Variants in TDRKH observed in about 807,000 individuals in gnomAD.
TDRKH encodes the protein tudor and KH domain containing, also known as tudor and KH domain-containing protein.
Under a neutral mutation model 61.3 loss-of-function variants are expected in TDRKH, and 28 were observed. That is an observed-to-expected ratio of 0.46 (90% CI 0.34 to 0.63). The LOEUF (loss-of-function observed/expected upper bound fraction) is 0.63, where lower values mean the gene tolerates loss of function less well. TDRKH is among the 20% of genes least tolerant of loss of function. The pLI is 0.01. For synonymous variants in TDRKH, 219 were observed against 244.4 expected (o/e 0.90, Z 0.97); for missense variants, 540 against 683.4 (o/e 0.79, Z 2.34).
Position 151,782,883 on chromosome 1 carries a change from C to A in TDRKH, c.124+16G>T. 6.3e-7 allele frequency: 1 copy of A among 1,588,756 alleles called. No homozygotes were observed. The highest frequency in any genetic ancestry group is 1.2e-5 in the South Asian group (1 of 86,676). On this transcript the variant is annotated intron_variant, in intron 2 of 12. Coordinates refer to ENST00000368824, the MANE Select transcript of TDRKH (RefSeq NM_001083965.2). ...GTCTGAACATTTTCACACACACAGT[C>A]ATAGGGTTCACGTACCTCTGCTTTC... is the stretch of plus-strand genomic sequence containing the variant.
rs955793908 is a variant in TDRKH, at chr1:151,776,238, T to C, written c.1075A>G (p.Ile359Val). ...PEDLTVHVGDIVAAPLPTNGS... is the reference protein window; with the variant it reads ...PEDLTVHVGDVVAAPLPTNGS... ...TTTGTAGGTAAAGGTGCTGCTACAA[T>C]GTCTCCTACATGCACAGTCAAGTCT... The change falls in exon 8 of 13, where the codon ATT becomes GTT. Residue 359 changes from isoleucine (I) to valine (V), a missense_variant. By Grantham distance (29) the Ile-to-Val change is conservative. This residue lies in a region of TDRKH where 379 missense variants were observed against 443.8 expected (regional missense o/e 0.85). Transcript: ENST00000368824. 2 of 1,613,974 alleles carry C rather than the reference T, an allele frequency of 1.2e-6. No homozygotes were observed. Among genetic ancestry groups the C allele is most frequent in the African/African-American group, 1.3e-5 (1 of 74,910 alleles).
chr1:151,784,984 T>G (rs1317255800), intron 1 of TDRKH, among the ~76,000 whole-genome samples: 3 of 149,398 alleles, frequency 2.0e-5, no homozygotes, highest in East Asian at 3.9e-4. Flanking sequence ...CAGGCTGGAG[T>G]GCAGTGGCGC....
At chr1:151,783,651 GC>G (rs1307758674) in intron 1 of TDRKH, 2 of 152,232 alleles carry the variant, frequency 1.3e-5, no homozygotes, top group African/African-American at 4.8e-5. Context: ...CAGGAAGGTG[GC>G]CACTCCCTCC....
chr1:151,771,765 G>A (rs1648717200), downstream of TDRKH: 4 of 393,430 alleles, frequency 1.0e-5, no homozygotes, highest in Non-Finnish European at 1.3e-5. Flanking sequence ...CCATCAGAAT[G>A]GGCTGTAAAC....
Position 151,782,926 on chromosome 1 carries a change from G to T in TDRKH, c.97C>A (p.Leu33Ile). 6.2e-7 allele frequency: 1 copy of T among 1,613,282 alleles called. No individual in the cohort carries two copies. The highest frequency in any genetic ancestry group is 1.7e-4 in the Middle Eastern group (1 of 6,060). ...IPASATVAYI[L>I]YRRYRESREE... Reference sequence around the variant, plus strand: ...CTGCTTTCCCTATACCTGCGGTATAGGATATAGGCAACTGTTGCACTGGCT... The same window carrying T: ...CTGCTTTCCCTATACCTGCGGTATATGATATAGGCAACTGTTGCACTGGCT... The change falls in exon 2 of 13, where the codon CTA becomes ATA. Residue 33 changes from leucine (L) to isoleucine (I), a missense_variant. Leu to Ile is a conservative substitution (Grantham distance 5, BLOSUM62 2). Coordinates refer to ENST00000368824, the MANE Select transcript of TDRKH (RefSeq NM_001083965.2).
At chr1:151,786,046 G>A (rs1016777249) in intron 1 of TDRKH, among the ~76,000 whole-genome samples, 15 of 152,142 alleles carry the variant, frequency 9.9e-5, no homozygotes, top group African/African-American at 3.6e-4. Flanking sequence ...ATTTCACCCT[G>A]GGGGGAAAAA....
At chr1:151,785,768 C>T (rs943523859) in intron 1 of TDRKH, among the ~76,000 whole-genome samples, 3 of 151,974 alleles carry the variant, frequency 2.0e-5, no homozygotes, top group Non-Finnish European at 2.9e-5. Context: ...TATTTTTATT[C>T]TTTATTTTGA....
chr1:151,784,933 GTTTT>G (rs377380901), intron 1 of TDRKH, among the ~76,000 whole-genome samples: 3 of 126,518 alleles, frequency 2.4e-5, no homozygotes, highest in African/African-American at 2.9e-5. Flanking sequence ...ATGGCAATTC[GTTTT>G]TTTTTTTTTT....
chr1:151,778,758 G>A lies in TDRKH; in HGVS notation c.810C>T (p.Ser270=). 6.2e-7 allele frequency: 1 copy of A among 1,614,208 alleles called. No individual in the cohort carries two copies. The highest frequency in any genetic ancestry group is 8.5e-7 in the Non-Finnish European group (1 of 1,180,046). ...AGCTGTCATCACTAGGTTTCTCCCAGGAACCTTCCTTTGACACTACCACAG... is the reference window on the plus strand; with the variant it reads ...AGCTGTCATCACTAGGTTTCTCCCAAGAACCTTCCTTTGACACTACCACAG... ...DMAVVVSKEG[S]WEKPSDDSFQ... The change falls in exon 6 of 13, where the codon TCC becomes TCT. Residue 270 remains serine (S), a synonymous_variant. Transcript: ENST00000368824.
At chr1:151,785,638 G>T (rs755010046) in intron 1 of TDRKH, among the ~76,000 whole-genome samples, 1 of 152,126 alleles carries the variant, frequency 6.6e-6, no homozygotes, top group Non-Finnish European at 1.5e-5. Flanking sequence ...GCTTGAAGAG[G>T]TTATCTAATC....
At chr1:151,778,062 G>A (rs904290883) in intron 6 of TDRKH, among the ~76,000 whole-genome samples, 1 of 152,040 alleles carries the variant, frequency 6.6e-6, no homozygotes, top group Non-Finnish European at 1.5e-5. Flanking sequence ...ATAACAGAGC[G>A]GGCTGGTAAA....
Position 151,774,338 on chromosome 1 carries a change from G to C in TDRKH, c.*114C>G, listed in dbSNP as rs780396308. The stretch of plus-strand genomic sequence containing the variant: ...ATATTAAGACAGGGCATGGGAAAGA[G>C]GGAATCAAAGCAAGTGCCCCACTGT... On this transcript the variant is annotated 3_prime_UTR_variant, in exon 13 of 13. Coordinates refer to ENST00000368824, the MANE Select transcript of TDRKH (RefSeq NM_001083965.2). 2 of 1,038,222 alleles carry C rather than the reference G, an allele frequency of 1.9e-6. No individual in the cohort carries two copies. Among genetic ancestry groups the C allele is most frequent in the Non-Finnish European group, 2.9e-6 (2 of 701,376 alleles). 64.3% of individuals were successfully genotyped at this position (1,038,222 alleles called of 1,614,324 possible). A position where few individuals can be genotyped will look rare whatever the true frequency, so the allele number is the denominator to read the frequency against.
chr1:151,784,411 A>G (rs1473138931), intron 1 of TDRKH, among the ~76,000 whole-genome samples: 3 of 152,180 alleles, frequency 2.0e-5, no homozygotes, highest in South Asian at 2.1e-4. Context: ...GAGTGTCAAT[A>G]TATCTGTCCT....
intron 1 of TDRKH, among the ~76,000 whole-genome samples, chr1:151,785,392 C>T (rs12748967): frequency 0.4 from 61,082 of 152,022 alleles, 13,244 homozygotes; most frequent in Non-Finnish European, 0.5. Flanking sequence ...TATCTTTTCC[C>T]TAGATTACTG....
intron 2 of TDRKH, 164 bp downstream of exon 2, chr1:151,782,735 A>G: frequency 1.2e-6 from 1 of 801,866 alleles, no homozygotes; most frequent in Non-Finnish European, 1.8e-6. Context: ...GTGCCACTGT[A>G]CGCCAGGCTA....
At chr1:151,770,258 G>T, downstream of TDRKH, 1 of 1,612,904 alleles carries the variant, frequency 6.2e-7, no homozygotes, top group Non-Finnish European at 8.5e-7. Context: ...AACGACAGAG[G>T]TGGGGATCTG....
At position 151,778,979 on chromosome 1, in the gene TDRKH, C is replaced by T; in HGVS notation, c.589G>A (p.Asp197Asn). ...GCAATTCTCTTCCGAAGTTCTTCAT[C>T]TTCTGAAACTTTCTCCAGTATCAAA... ...KHLILEKVSE[D>N]EELRKRIAHS... Residue 197 changes from aspartate to asparagine, a missense_variant, in exon 6 of 13, where the codon GAT becomes AAT. By Grantham distance (23) the Asp-to-Asn change is conservative (BLOSUM62 1). This residue lies in a region of TDRKH where 379 missense variants were observed against 443.8 expected (regional missense o/e 0.85). Transcript: ENST00000368824. 6.2e-7 allele frequency: 1 copy of T among 1,614,036 alleles called. No homozygotes were observed. The highest frequency in any genetic ancestry group is 8.5e-7 in the Non-Finnish European group (1 of 1,179,950).
intron 1 of TDRKH, among the ~76,000 whole-genome samples, chr1:151,786,658 C>T (rs957133761): frequency 1.3e-5 from 2 of 152,136 alleles, no homozygotes; most frequent in Non-Finnish European, 2.9e-5. Flanking sequence ...CAGAGAACTA[C>T]CAGAAGTTTG....
In TDRKH at chr1:151,780,238, T is replaced by C. The variant is rs1187035136; in HGVS notation, c.232-98A>G. The C allele has an allele frequency of 1.0e-5, 13 of 1,275,500 alleles. No individual in the cohort carries two copies. The Admixed American group carries it at 1.3e-4, about 13-fold the overall frequency. The allele number at this position is 1,275,500 out of a possible 1,614,324, so 79.0% of individuals were successfully genotyped here. A position where few individuals can be genotyped will look rare whatever the true frequency, so the allele number is the denominator to read the frequency against. ...AACAAACCCTGGAGGTAGATAGAAT[T>C]AGCCAAAGGAATTAGCTAATACTAT... On this transcript the variant is annotated intron_variant, in intron 3 of 12. Coordinates refer to ENST00000368824, the MANE Select transcript of TDRKH (RefSeq NM_001083965.2).
Sources: allele counts gnomAD v4.1 joint callset (sites outside exome capture counted in the v4.1 genomes callset), GRCh38; gene constraint gnomAD v4.1.1; regional missense constraint gnomAD v4.1.1; transcripts MANE v1.5; gene names NCBI Gene and HGNC (gene_info 2026-07-23, HGNC 2026-07-21).